LMF1: variants seen among roughly 807,000 people sequenced by gnomAD.
LMF1 encodes the protein transmembrane protein 112.
LMF1 carries 68 observed loss-of-function variants against 60.6 expected under a neutral mutation model. The ratio of observed to expected loss-of-function variants is 1.12; its 90% CI spans 0.92 to 1.37. LMF1 has a LOEUF of 1.37. Ranked by LOEUF, LMF1 falls within the 40% of genes most tolerant of loss-of-function variation. The pLI, the probability that LMF1 is intolerant of heterozygous loss-of-function variation, is 0.00. For synonymous variants in LMF1, 418 were observed against 324.7 expected (o/e 1.29, Z -3.09); for missense variants, 948 against 767.2 (o/e 1.24, Z -2.78).
chr16:900,717 G>GTC (rs1186387007), intron 4 of LMF1: 10 of 150,058 alleles, frequency 6.7e-5, no homozygotes, highest in African/African-American at 2.5e-4. Context: ...GTGTGTGTGT[G>GTC]TGTGTGTGTG....
At chr16:941,204 G>A (rs2072092213) in intron 2 of LMF1, among the ~76,000 whole-genome samples, 1 of 151,824 alleles carries the variant, frequency 6.6e-6, no homozygotes, top group Admixed American at 6.6e-5. Flanking sequence ...CTTGAAAACT[G>A]CATATACTTG....
At position 874,750 on chromosome 16, in the gene LMF1, C is replaced by T. The variant is rs2069921095; in HGVS notation, c.898-3409G>A. ...CGGGGAGGCGGCGCTCAGATGGGAA[C>T]ACACGGAACCAGGACAGGCTCCAGG... is the stretch of plus-strand genomic sequence containing the variant. On this transcript the variant is annotated intron_variant, in intron 6 of 10. Coordinates refer to ENST00000262301, the MANE Select transcript of LMF1 (RefSeq NM_022773.4). This position sits in a 1 kb window ranked among gnomAD's most constrained non-coding sequence, Gnocchi z 4.1. 6.6e-6 allele frequency among the ~76,000 whole-genome samples: 1 copy of T among 151,812 alleles called. No individual in the cohort carries two copies. The highest frequency in any genetic ancestry group is 2.4e-5 in the African/African-American group (1 of 41,408).
At chr16:966,027 G>A (rs554784597) in intron 1 of LMF1, among the ~76,000 whole-genome samples, 11 of 152,272 alleles carry the variant, frequency 7.2e-5, no homozygotes, top group Admixed American at 2.0e-4. Flanking sequence ...GCAGGGCTCC[G>A]GTGGTCAGCC....
chr16:922,947 G>A (rs368172065), intron 3 of LMF1, among the ~76,000 whole-genome samples: 101 of 108,592 alleles, frequency 9.3e-4, no homozygotes, highest in Non-Finnish European at 1.3e-3. Flanking sequence ...TGTTGGTGTC[G>A]TGTTGTTGCG....
intron 2 of LMF1, among the ~76,000 whole-genome samples, chr16:938,376 C>G (rs2072002849): frequency 6.6e-6 from 1 of 151,292 alleles, no homozygotes; most frequent in African/African-American, 2.4e-5. Flanking sequence ...ACAGGGAAGG[C>G]AGGGATGGGG....
At chr16:919,789 G>A (rs931180586) in intron 3 of LMF1, among the ~76,000 whole-genome samples, 4 of 152,130 alleles carry the variant, frequency 2.6e-5, no homozygotes, top group African/African-American at 9.7e-5. Context: ...CGCCCTGGGA[G>A]GAGCCTCACG....
chr16:860,020 T>G lies in LMF1; in HGVS notation c.1530-5314A>C, dbSNP rs531581493. Among the ~76,000 whole-genome samples the G allele has an allele frequency of 2.8e-3, 418 of 151,796 alleles. 10 individuals carry two copies. Among genetic ancestry groups the G allele is most frequent in the African/African-American group, 9.7e-3 (399 of 41,084 alleles). ...GTTTTTGCTTCTCTAATGACAGGCA[T>G]TTCTCCTGAGCTTATCTGTCATCTG... On this transcript the variant is annotated intron_variant, in intron 10 of 10. Coordinates refer to ENST00000262301, the MANE Select transcript of LMF1 (RefSeq NM_022773.4).
At position 924,190 on chromosome 16, in the gene LMF1, G is replaced by A. The variant is rs1390563862; in HGVS notation, c.514+10054C>T. 5.3e-5 allele frequency among the ~76,000 whole-genome samples: 8 copies of A among 152,178 alleles called. No individual in the cohort carries two copies. In the South Asian group the frequency reaches 6.2e-4, roughly 12 times the overall value. Reference sequence around the variant, plus strand: ...AGGGTGTGTGAGGGCAATCCCTGTCGTTCATAAGAGGACATGTATACACAG... The same window carrying A: ...AGGGTGTGTGAGGGCAATCCCTGTCATTCATAAGAGGACATGTATACACAG... On this transcript the variant is annotated intron_variant, in intron 3 of 10. Coordinates refer to ENST00000262301, the MANE Select transcript of LMF1 (RefSeq NM_022773.4).
At chr16:871,960 C>G (rs953830598) in intron 6 of LMF1, 2 of 152,422 alleles carry the variant, frequency 1.3e-5, no homozygotes, top group African/African-American at 4.8e-5. Context: ...AGGAAAGACT[C>G]AGCAGCAGCA....
chr16:855,650 C>T (rs1483877875), intron 10 of LMF1: 1 of 453,554 alleles, frequency 2.2e-6, no homozygotes. Context: ...AGGGCGGCTG[C>T]TGCCTGGCTG....
chr16:916,132 G>A (rs2071273546), intron 3 of LMF1, among the ~76,000 whole-genome samples: 1 of 152,212 alleles, frequency 6.6e-6, no homozygotes, highest in African/African-American at 2.4e-5. Flanking sequence ...CTTTGGAGGT[G>A]CAAGTCATTG....
chr16:870,592 CCTGGGTCAGG>C, intron 8 of LMF1, 127 bp downstream of exon 8: 1 of 1,015,988 alleles, frequency 9.8e-7, no homozygotes, highest in Non-Finnish European at 1.5e-6. Context: ...ACGGCCTGTG[CCTGGGTCAGG>C]CTGGGGTGGG....
chr16:870,914 C>T (rs763968686), intron 7 of LMF1, 32 bp from the exon 8 acceptor site: 3 of 1,574,726 alleles, frequency 1.9e-6, no homozygotes, highest in South Asian at 2.3e-5. Context: ...CCAGGTGGGG[C>T]TCCCAGCTGC....
chr16:975,173 G>A (rs1354189487), upstream of LMF1, among the ~76,000 whole-genome samples: 1 of 152,158 alleles, frequency 6.6e-6, no homozygotes, highest in African/African-American at 2.4e-5. Context: ...CAGGTCACGA[G>A]TGTTCCCACC....
chr16:862,460 G>A (rs1354629247), intron 10 of LMF1, among the ~76,000 whole-genome samples: 1 of 152,008 alleles, frequency 6.6e-6, no homozygotes, highest in African/African-American at 2.4e-5. Flanking sequence ...GTAATATTTT[G>A]TTAAAAAATT....
chr16:853,951 G>C lies in LMF1; in HGVS notation c.*581C>G. ...TGCCTGCATGTGTGGGATGCGTGTAGGCTGTGGCGGGGGTGGAGATGAGGG... is the reference window on the plus strand; with the variant it reads ...TGCCTGCATGTGTGGGATGCGTGTACGCTGTGGCGGGGGTGGAGATGAGGG... On this transcript the variant is annotated 3_prime_UTR_variant, in exon 11 of 11. Coordinates refer to ENST00000262301, the MANE Select transcript of LMF1 (RefSeq NM_022773.4). 1 of 454,128 alleles carries C rather than the reference G, an allele frequency of 2.2e-6. No homozygotes were observed. The highest frequency in any genetic ancestry group is 4.4e-6 in the Non-Finnish European group (1 of 226,796). The allele number at this position is 454,128 out of a possible 1,614,324, so 28.1% of individuals were successfully genotyped here. A position where few individuals can be genotyped will look rare whatever the true frequency, so the allele number is the denominator to read the frequency against.
intron 1 of LMF1, chr16:977,237 C>T: frequency 2.6e-6 from 1 of 391,458 alleles, no homozygotes; most frequent in Non-Finnish European, 5.1e-6. Flanking sequence ...GAACTCGTGC[C>T]CCAGCTGGCA....
chr16:931,525 AG>A lies in LMF1; in HGVS notation c.514+2718del, dbSNP rs2071784008. The A allele has an allele frequency of 2.5e-6, 2 of 806,548 alleles. 1 individual carries two copies. Among genetic ancestry groups the A allele is most frequent in the Admixed American group, 6.1e-5 (2 of 32,966 alleles). 50.0% of individuals were successfully genotyped at this position (806,548 alleles called of 1,614,324 possible). A position where few individuals can be genotyped will look rare whatever the true frequency, so the allele number is the denominator to read the frequency against. Reference sequence around the variant, plus strand: ...ACGCACGCACAAACTGCATTCTCCCAGGCCGTCCCGAACGAGGCCACAGGAA... The same window carrying A: ...ACGCACGCACAAACTGCATTCTCCCAGCCGTCCCGAACGAGGCCACAGGAA... On this transcript the variant is annotated intron_variant, in intron 3 of 10. Coordinates refer to ENST00000262301, the MANE Select transcript of LMF1 (RefSeq NM_022773.4).
At chr16:914,127 G>A (rs2071200815) in intron 3 of LMF1, among the ~76,000 whole-genome samples, 1 of 151,932 alleles carries the variant, frequency 6.6e-6, no homozygotes, top group Non-Finnish European at 1.5e-5. Flanking sequence ...GAGCCCTGGG[G>A]ACAGGGACAT....
Sources: gnomAD v4.1 joint callset for allele counts (sites outside exome capture counted in the v4.1 genomes callset) on GRCh38, gnomAD v4.1.1 for gene constraint, Gnocchi (gnomAD v3.1) non-coding constraint, MANE v1.5 for transcripts, NCBI Gene and HGNC (gene_info 2026-07-23, HGNC 2026-07-21) for gene names.